Variants in KIAA0825 observed in about 807,000 individuals in gnomAD.
KIAA0825 encodes uncharacterized protein KIAA0825.
In KIAA0825, 119 loss-of-function variants were observed where a neutral mutation model predicts 147.6. The observed-to-expected ratio is 0.81, with a 90% CI of 0.69 to 0.94. The LOEUF is 0.94. KIAA0825 is among the 40% of genes least tolerant of loss of function. The pLI, the probability that KIAA0825 is intolerant of heterozygous loss-of-function variation, is 0.00. For missense variants in KIAA0825, 1,381 were observed against 1,472.7 expected (o/e 0.94, Z 1.02); for synonymous variants, 470 against 518.1 (o/e 0.91, Z 1.26).
rs562452506 is a variant in KIAA0825 at position 94,285,593 on chromosome 5, T to C, written c.3710+98775A>G. On this transcript the variant is annotated intron_variant, in intron 20 of 20. Transcript: ENST00000682413. ...ATTGGACTTTCTTGCAAAGATAATATGGTTTTAGGTTGTCAGTGATGCAGG... is the reference window on the plus strand; with the variant it reads ...ATTGGACTTTCTTGCAAAGATAATACGGTTTTAGGTTGTCAGTGATGCAGG... Among the ~76,000 whole-genome samples the C allele has an allele frequency of 5.3e-5, 8 of 152,288 alleles. No homozygotes were observed. In the South Asian group the frequency reaches 8.3e-4, roughly 16 times the overall value.
chr5:94,219,222 GATC>G (rs1206922506), intron 20 of KIAA0825, among the ~76,000 whole-genome samples: 3 of 152,088 alleles, frequency 2.0e-5, no homozygotes, highest in Non-Finnish European at 2.9e-5. Context: ...TACAGTGACA[GATC>G]ATCAGATATT....
At chr5:94,386,495 G>T in intron 18 of KIAA0825, 91 bp from the exon 19 acceptor site, 2 of 1,068,356 alleles carry the variant, frequency 1.9e-6, no homozygotes, top group Non-Finnish European at 1.3e-6. Flanking sequence ...TATCCTTTCA[G>T]CACATTTGCT....
intron 20 of KIAA0825, among the ~76,000 whole-genome samples, chr5:94,308,976 T>A (rs1778926444): frequency 6.6e-6 from 1 of 151,832 alleles, no homozygotes; most frequent in African/African-American, 2.4e-5. Flanking sequence ...CACAATTCAG[T>A]GTGCTCTATT....
intron 20 of KIAA0825, among the ~76,000 whole-genome samples, chr5:94,253,770 C>T (rs1210742535): frequency 2.0e-5 from 3 of 152,096 alleles, no homozygotes; most frequent in Admixed American, 6.6e-5. Context: ...GAAATGGTCC[C>T]GCCTAATATC....
chr5:94,591,575 G>T (rs1233303434), intron 1 of KIAA0825, among the ~76,000 whole-genome samples: 1 of 152,158 alleles, frequency 6.6e-6, no homozygotes, highest in African/African-American at 2.4e-5. Flanking sequence ...AAGTATACCA[G>T]TAAAATCAGT....
At chr5:94,602,120 C>T (rs1003398670) in intron 1 of KIAA0825, among the ~76,000 whole-genome samples, 8 of 152,102 alleles carry the variant, frequency 5.3e-5, no homozygotes, top group African/African-American at 1.9e-4. Flanking sequence ...GAGGCCAAGG[C>T]AGGCGGATCA....
At chr5:94,594,720 A>G in intron 1 of KIAA0825, 1 of 634,256 alleles carries the variant, frequency 1.6e-6, no homozygotes, top group Non-Finnish European at 3.0e-6. Flanking sequence ...ATGGAACTCT[A>G]TGGCACTGTC....
At chr5:94,540,929 G>T (rs1365849583) in intron 2 of KIAA0825, among the ~76,000 whole-genome samples, 1 of 152,154 alleles carries the variant, frequency 6.6e-6, no homozygotes, top group South Asian at 2.1e-4. Flanking sequence ...ATGAAGAAAA[G>T]AAATTTTATG....
chr5:94,612,623 T>A (rs993776535), intron 1 of KIAA0825, among the ~76,000 whole-genome samples: 5 of 152,198 alleles, frequency 3.3e-5, no homozygotes, highest in Non-Finnish European at 5.9e-5. Flanking sequence ...TAAAGTGCCT[T>A]ACTACACCAG....
At chr5:94,429,345 C>T (rs78529197) in intron 14 of KIAA0825, among the ~76,000 whole-genome samples, 2,875 of 152,046 alleles carry the variant, frequency 0.019, 82 homozygotes, top group African/African-American at 0.066. Flanking sequence ...GTTATTTTCA[C>T]GCAGGTAGTA....
chr5:94,190,730 C>T (rs1281331280), intron 20 of KIAA0825, among the ~76,000 whole-genome samples: 3 of 151,344 alleles, frequency 2.0e-5, no homozygotes, highest in African/African-American at 7.3e-5. Flanking sequence ...TTCTCCTATA[C>T]TATTTTGATA....
intron 20 of KIAA0825, among the ~76,000 whole-genome samples, chr5:94,335,146 G>T (rs752543570): frequency 1.3e-5 from 2 of 151,982 alleles, no homozygotes; most frequent in Non-Finnish European, 2.9e-5. Flanking sequence ...AATAAAAATA[G>T]CTATTGTTAT....
At chr5:94,588,251 A>G (rs1050651480) in intron 1 of KIAA0825, among the ~76,000 whole-genome samples, 2 of 152,228 alleles carry the variant, frequency 1.3e-5, no homozygotes, top group African/African-American at 4.8e-5. Flanking sequence ...CAGAGTGAAC[A>G]GGCAACCTAC....
At chr5:94,273,687 T>C (rs1447460935) in intron 20 of KIAA0825, among the ~76,000 whole-genome samples, 2 of 152,164 alleles carry the variant, frequency 1.3e-5, no homozygotes, top group Non-Finnish European at 2.9e-5. Flanking sequence ...GATTGGGGTT[T>C]AAATCTCTGC....
chr5:94,253,137 C>T (rs1776056802), intron 20 of KIAA0825, among the ~76,000 whole-genome samples: 1 of 152,152 alleles, frequency 6.6e-6, no homozygotes, highest in Admixed American at 6.6e-5. Context: ...TAATAAAATA[C>T]AACTTTTCTG....
At chr5:94,197,902 G>A (rs1771290016) in intron 20 of KIAA0825, among the ~76,000 whole-genome samples, 2 of 152,168 alleles carry the variant, frequency 1.3e-5, no homozygotes, top group Non-Finnish European at 2.9e-5. Flanking sequence ...GTAAGGTAGT[G>A]TGAAGCCTCT....
At chr5:94,331,125 ACT>A (rs1465629416) in intron 20 of KIAA0825, among the ~76,000 whole-genome samples, 1 of 150,906 alleles carries the variant, frequency 6.6e-6, no homozygotes, top group African/African-American at 2.4e-5. Flanking sequence ...AAAGAGTGAG[ACT>A]CTGTCTCAAA....
chr5:94,546,177 T>G (rs1774317088), intron 2 of KIAA0825, among the ~76,000 whole-genome samples: 1 of 152,182 alleles, frequency 6.6e-6, no homozygotes, highest in Admixed American at 6.5e-5. Context: ...GTCTTGTGGT[T>G]TGAGGGCCAG....
At chr5:94,166,636 T>C (rs1768071925) in intron 20 of KIAA0825, among the ~76,000 whole-genome samples, 2 of 150,838 alleles carry the variant, frequency 1.3e-5, no homozygotes, top group South Asian at 2.1e-4. Flanking sequence ...GCCTCCTGAG[T>C]AGCTGGGATT....
Sources: gnomAD v4.1 joint callset for allele counts (sites outside exome capture counted in the v4.1 genomes callset) on GRCh38, gnomAD v4.1.1 for gene constraint, MANE v1.5 for transcripts, NCBI Gene and HGNC (gene_info 2026-07-23, HGNC 2026-07-21) for gene names.